The following ANAPC5 variants were observed in gnomAD, a reference collection of about 807,000 sequenced individuals.
The protein encoded by ANAPC5 is anaphase-promoting complex subunit 5.
Under a neutral mutation model 91.3 loss-of-function variants are expected in ANAPC5, and 60 were observed. The ratio of observed to expected loss-of-function variants is 0.66; its 90% CI spans 0.53 to 0.81. The LOEUF (loss-of-function observed/expected upper bound fraction) is 0.81. Among genes scored for constraint, ANAPC5 ranks in the 40% least tolerant of loss-of-function variants. The pLI is 0.00. For missense variants in ANAPC5, 690 were observed against 931.5 expected (o/e 0.74, Z 3.37); for synonymous variants, 340 against 364.1 (o/e 0.93, Z 0.75).
intron 13 of ANAPC5, among the ~76,000 whole-genome samples, chr12:121,319,240 T>C (rs1276430901): frequency 2.0e-5 from 3 of 150,824 alleles, no homozygotes; most frequent in East Asian, 1.9e-4. Context: ...GTATTTTCTT[T>C]TTTTTTTTTT....
At chr12:121,354,135 C>T (rs971045501), upstream of ANAPC5, among the ~76,000 whole-genome samples, 7 of 150,616 alleles carry the variant, frequency 4.6e-5, no homozygotes, top group East Asian at 5.9e-4. Context: ...ACTACAGGCA[C>T]GCACCACCAC....
At chr12:121,333,952 C>CAAGCT (rs1379467835) in intron 7 of ANAPC5, 4 of 152,172 alleles carry the variant, frequency 2.6e-5, no homozygotes, top group Non-Finnish European at 5.9e-5. Flanking sequence ...CCTCCCCACA[C>CAAGCT]AAGCTTCAGC....
intron 11 of ANAPC5, chr12:121,320,761 T>C: frequency 5.0e-6 from 1 of 199,244 alleles, no homozygotes; most frequent in Non-Finnish European, 1.0e-5. Context: ...TGCCACCATG[T>C]CCGGCTAATT....
At chr12:121,345,766 G>GGACTTATTGCACTTGAAAT in intron 4 of ANAPC5, 73 bp downstream of exon 4, 1 of 1,442,246 alleles carries the variant, frequency 6.9e-7, no homozygotes, top group South Asian at 1.3e-5. Flanking sequence ...AATTCTAAAT[G>GGACTTATTGCACTTGAAAT]AACAAGGACT....
chr12:121,336,404 G>A (rs1555273471), intron 6 of ANAPC5, among the ~76,000 whole-genome samples: 1 of 152,192 alleles, frequency 6.6e-6, no homozygotes, highest in African/African-American at 2.4e-5. Context: ...TAGGCTGGGC[G>A]TGATGGCTCA....
chr12:121,312,969 TA>T (rs927329301), intron 15 of ANAPC5, among the ~76,000 whole-genome samples: 1 of 152,120 alleles, frequency 6.6e-6, no homozygotes, highest in Non-Finnish European at 1.5e-5. Context: ...TTTATAACTG[TA>T]AAGGCCTACA....
chr12:121,332,305 T>A lies in ANAPC5; in HGVS notation c.951-877A>T, dbSNP rs371017962. The A allele has an allele frequency of 5.3e-5, 8 of 152,296 alleles. 1 individual carries two copies. The East Asian group carries it at 1.5e-3, about 29-fold the overall frequency. 9.4% of individuals were successfully genotyped at this position (152,296 alleles called of 1,614,324 possible). A position where few individuals can be genotyped will look rare whatever the true frequency, so the allele number is the denominator to read the frequency against. On this transcript the variant is annotated intron_variant, in intron 7 of 16. Coordinates refer to ENST00000261819, the MANE Select transcript of ANAPC5 (RefSeq NM_016237.5). ...AGTATTTTGAGGATTCCCACTTCTG[T>A]AATATTTTTTCCTTTAAATCTCTGT...
chr12:121,342,044 G>T lies in ANAPC5; in HGVS notation c.616C>A (p.Pro206Thr). Residue 206 changes from proline (P) to threonine (T), a missense_variant, in exon 5 of 17, where the codon CCT becomes ACT. By Grantham distance (38) the Pro-to-Thr change is conservative. Around this residue, in one of 5 missense-constraint regions of ANAPC5, gnomAD observed 238 missense variants for 264.9 expected, o/e 0.90. Coordinates refer to ENST00000261819, the MANE Select transcript of ANAPC5 (RefSeq NM_016237.5). This position sits in a 1 kb window ranked among gnomAD's most constrained non-coding sequence, Gnocchi z 4.1. The stretch of plus-strand genomic sequence containing the variant: ...AATTCTGCTTGTTTTTGGGACAGAG[G>T]CCCACTGCAAGATACCTCCTCTTCT... ...VREEEVSCSG[P>T]LSQKQAEFFL... is the part of the protein sequence containing the mutation. The T allele has an allele frequency of 1.2e-6, 2 of 1,609,490 alleles. No homozygotes were observed. The highest frequency in any genetic ancestry group is 1.7e-6 in the Non-Finnish European group (2 of 1,179,106).
At chr12:121,319,552 G>T in intron 13 of ANAPC5, 145 bp downstream of exon 13, 1 of 822,358 alleles carries the variant, frequency 1.2e-6, no homozygotes, top group Non-Finnish European at 1.8e-6. Flanking sequence ...AAGTCACCAT[G>T]CCCAGCTGCT....
rs113016079 is a variant in ANAPC5, at chr12:121,338,017, C to T, written c.658-625G>A. 4.7e-3 allele frequency among the ~76,000 whole-genome samples: 710 copies of T among 152,216 alleles called. 2 individuals are homozygous for T. The highest frequency in any genetic ancestry group is 0.016 in the African/African-American group (667 of 41,534). ...AAGTTAGCTACAAATTAAATGTTTA[C>T]ATTTAACTGGGTTATAGACACTTAA... On this transcript the variant is annotated intron_variant, in intron 5 of 16. Transcript: ENST00000261819.
intron 6 of ANAPC5, among the ~76,000 whole-genome samples, chr12:121,335,982 G>A (rs1566191432): frequency 6.6e-6 from 1 of 152,172 alleles, no homozygotes; most frequent in African/African-American, 2.4e-5. Flanking sequence ...ACTCCACTAT[G>A]CCACTGGTTA....
In ANAPC5 at chr12:121,326,048, G is replaced by A. The variant is rs550336853; in HGVS notation, c.1440+1048C>T. Among the ~76,000 whole-genome samples, 23 of 152,250 alleles carry A rather than the reference G, an allele frequency of 1.5e-4. No individual in the cohort carries two copies. The South Asian group carries it at 3.5e-3, about 23-fold the overall frequency. On this transcript the variant is annotated intron_variant, in intron 11 of 16. Coordinates refer to ENST00000261819, the MANE Select transcript of ANAPC5 (RefSeq NM_016237.5). ...GGGGAAGCAACCAGCTAGCCCTTTC[G>A]ACCTCAGAAAACATGGGCAGTGCTT...
chr12:121,327,182 C>G lies in ANAPC5; in HGVS notation c.1354G>C (p.Glu452Gln). ...AQMLLSMNSLEAVNAGVQQNN... is the reference protein window; with the variant it reads ...AQMLLSMNSLQAVNAGVQQNN... ...TGCTGCACGCCCGCATTCACCGCCTCCAGGCTGTTCATGCTCAGCAACATC... is the reference window on the plus strand; with the variant it reads ...TGCTGCACGCCCGCATTCACCGCCTGCAGGCTGTTCATGCTCAGCAACATC... Residue 452 changes from glutamate to glutamine, a missense_variant, in exon 11 of 17, where the codon GAG becomes CAG. Transcript: ENST00000261819. The G allele has an allele frequency of 6.2e-7, 1 of 1,613,648 alleles. No individual in the cohort carries two copies. The highest frequency in any genetic ancestry group is 8.5e-7 in the Non-Finnish European group (1 of 1,179,996).
At chr12:121,323,925 AGAG>A (rs1902714970) in intron 11 of ANAPC5, among the ~76,000 whole-genome samples, 1 of 152,208 alleles carries the variant, frequency 6.6e-6, no homozygotes, top group Middle Eastern at 3.4e-3. Context: ...TGAGACTGAG[AGAG>A]GAGTGATATA....
intron 15 of ANAPC5, among the ~76,000 whole-genome samples, chr12:121,313,187 G>T (rs1291612197): frequency 6.6e-6 from 1 of 151,908 alleles, no homozygotes; most frequent in Non-Finnish European, 1.5e-5. Context: ...TTAGCCAGGC[G>T]TGGTAGCATG....
chr12:121,325,863 T>C (rs1429709225), intron 11 of ANAPC5, among the ~76,000 whole-genome samples: 1 of 152,152 alleles, frequency 6.6e-6, no homozygotes, highest in Admixed American at 6.5e-5. Context: ...CGACACTCCG[T>C]TTCAAAAAAA....
chr12:121,324,317 A>G (rs1902726110), intron 11 of ANAPC5, among the ~76,000 whole-genome samples: 1 of 152,138 alleles, frequency 6.6e-6, no homozygotes, highest in Non-Finnish European at 1.5e-5. Context: ...TAAAACTAGA[A>G]AGATCTAAGG....
At chr12:121,344,436 C>A (rs1453474877) in intron 4 of ANAPC5, among the ~76,000 whole-genome samples, 1 of 151,798 alleles carries the variant, frequency 6.6e-6, no homozygotes, top group Non-Finnish European at 1.5e-5. Flanking sequence ...AAAATATTAG[C>A]GGGTGTGCTG....
In ANAPC5 at chr12:121,352,343, C is replaced by CG. The variant is rs371469277; in HGVS notation, c.-4dup. 1 of 1,594,132 alleles carries CG rather than the reference C, an allele frequency of 6.3e-7. No homozygotes were observed. Among genetic ancestry groups the CG allele is most frequent in the Non-Finnish European group, 8.6e-7 (1 of 1,166,354 alleles). ...AGGCTCTCGTGGACGCTGGCCATGGCGGCCCGAGACTAAGTCTCGGGCCCG... is the reference window on the plus strand; with the variant it reads ...AGGCTCTCGTGGACGCTGGCCATGGCGGGCCCGAGACTAAGTCTCGGGCCCG... On this transcript the variant is annotated 5_prime_UTR_variant, in exon 1 of 17. Transcript: ENST00000261819.
Sources: gnomAD v4.1 joint callset for allele counts (sites outside exome capture counted in the v4.1 genomes callset) on GRCh38, gnomAD v4.1.1 for gene constraint, gnomAD v4.1.1 regional missense constraint, Gnocchi (gnomAD v3.1) non-coding constraint, MANE v1.5 for transcripts, NCBI Gene and HGNC (gene_info 2026-07-23, HGNC 2026-07-21) for gene names.